Variants in IGFN1 observed in about 807,000 individuals in gnomAD.
IGFN1 encodes immunoglobulin-like and fibronectin type III domain-containing protein 1.
IGFN1 carries 253 observed loss-of-function variants against 289.5 expected under a neutral mutation model. The observed-to-expected ratio is 0.87, with a 90% CI of 0.79 to 0.97. The LOEUF is 0.97. Ranked by LOEUF, IGFN1 falls within the 50% of genes least tolerant of loss-of-function variation. The pLI is 0.00. For missense variants in IGFN1, 4,470 were observed against 4,686.1 expected (o/e 0.95, Z 1.35); for synonymous variants, 1,706 against 1,788.5 (o/e 0.95, Z 1.16).
chr1:201,200,198 G>C, intron 7 of IGFN1, 39 bp from the exon 8 acceptor site: 1 of 1,520,344 alleles, frequency 6.6e-7, no homozygotes, highest in South Asian at 1.2e-5. Flanking sequence ...GAGGAGCAGG[G>C]ATTCCTCTGG....
At position 201,212,606 on chromosome 1, in the gene IGFN1, G is replaced by C; in HGVS notation, c.7713G>C (p.Gly2571=). 1 of 1,546,076 alleles carries C rather than the reference G, an allele frequency of 6.5e-7. No homozygotes were observed. The highest frequency in any genetic ancestry group is 2.4e-5 in the East Asian group (1 of 40,864). The change falls in exon 12 of 24, where the codon GGG becomes GGC. Residue 2571 remains glycine, a synonymous_variant. Transcript: ENST00000335211. ...GGGGTAGAGTTGCTGGCCAGGGGGG[G>C]TTGGCATCTCAGGGAGGTGGGGACT... ...TDRGRVAGQG[G]LASQGGGDSL... is the part of the protein sequence containing the mutation.
chr1:201,200,758 C>T (rs141964280), intron 8 of IGFN1, among the ~76,000 whole-genome samples: 173 of 151,652 alleles, frequency 1.1e-3, no homozygotes, highest in African/African-American at 4.0e-3. Context: ...AAGTACTTAG[C>T]TTAGTGCCTT....
At chr1:201,205,564 T>C (rs931870964) in intron 11 of IGFN1, among the ~76,000 whole-genome samples, 3 of 152,178 alleles carry the variant, frequency 2.0e-5, no homozygotes, top group Non-Finnish European at 2.9e-5. Context: ...TTGGAATTAC[T>C]TTGGGGCACA....
At chr1:201,191,703 C>T (rs574576265) in intron 1 of IGFN1, among the ~76,000 whole-genome samples, 27 of 152,282 alleles carry the variant, frequency 1.8e-4, no homozygotes, top group Admixed American at 1.4e-3. Flanking sequence ...GAAGTGGATG[C>T]TTAACGTCAC....
rs753479097 is a variant in IGFN1 at position 201,215,641 on chromosome 1, TC to T, written c.9102del (p.Ile3035PhefsTer46). On this transcript the variant is annotated frameshift_variant, in exon 15 of 24. Coordinates refer to ENST00000335211, the MANE Select transcript of IGFN1 (RefSeq NM_001164586.2). LOFTEE classifies it high-confidence loss of function. Reference protein sequence around the residue: ...VIVKIPFQSHLPIQAAWRKDG... With the variant: ...VIVKIPFQSHXPIQAAWRKDG... The stretch of plus-strand genomic sequence containing the variant: ...GTGAAGATCCCCTTCCAGAGCCACC[TC>T]CCCATTCAGGCTGCCTGGAGGAAGG... 13 of 1,613,948 alleles carry T rather than the reference TC, an allele frequency of 8.1e-6. No individual in the cohort carries two copies. The East Asian group carries it at 2.9e-4, about 36-fold the overall frequency.
rs80063597 is a variant in IGFN1, at chr1:201,213,875, C to A, written c.8728+254C>A. Among the ~76,000 whole-genome samples, 754 of 152,308 alleles carry A rather than the reference C, an allele frequency of 5.0e-3. 3 individuals carry two copies. The highest frequency in any genetic ancestry group is 0.024 in the Middle Eastern group (7 of 294). The stretch of plus-strand genomic sequence containing the variant: ...TCTTGAAACCTTATGTCCACAGCAC[C>A]AGAGTTGTTGACCCAACTCTCTGTG... On this transcript the variant is annotated intron_variant, in intron 12 of 23. Coordinates refer to ENST00000335211, the MANE Select transcript of IGFN1 (RefSeq NM_001164586.2).
chr1:201,200,123 T>C, intron 7 of IGFN1, 114 bp from the exon 8 acceptor site: 1 of 802,746 alleles, frequency 1.2e-6, no homozygotes, highest in Non-Finnish European at 1.9e-6. Context: ...GGCTCTGCGT[T>C]TCCTCGAGTG....
chr1:201,221,522 A>G lies in IGFN1; in HGVS notation c.9977A>G (p.Asp3326Gly). 1 of 1,614,072 alleles carries G rather than the reference A, an allele frequency of 6.2e-7. No individual in the cohort carries two copies. Among genetic ancestry groups the G allele is most frequent in the Non-Finnish European group, 8.5e-7 (1 of 1,179,982 alleles). The stretch of plus-strand genomic sequence containing the variant: ...ATCACTCTGAGCTGGGCTGGGCCAG[A>G]CACCCAGGAAGGGGATGAAGCCCAG... ...TSITLSWAGP[D>G]TQEGDEAQGY... The change falls in exon 19 of 24, where the codon GAC (aspartate) becomes GGC (glycine). Residue 3326 changes from aspartate to glycine, a missense_variant. This residue lies in a region of IGFN1 where 2,218 missense variants were observed against 2,114.1 expected (regional missense o/e 1.05). Transcript: ENST00000335211.
rs1310221074 is a variant in IGFN1 at position 201,211,913 on chromosome 1, T to C, written c.7020T>C (p.Tyr2340=). The C allele has an allele frequency of 9.2e-6, 14 of 1,527,784 alleles. No individual in the cohort carries two copies. The East Asian group carries it at 2.9e-4, about 32-fold the overall frequency. 94.6% of individuals were successfully genotyped at this position (1,527,784 alleles called of 1,614,324 possible). ...SGMGSGSEVS[Y]RGGSGGSGET... ...TGGGGTCAGGGAGTGAGGTCAGTTATAGAGGAGGCTCAGGAGGATCTGGGG... is the reference window on the plus strand; with the variant it reads ...TGGGGTCAGGGAGTGAGGTCAGTTACAGAGGAGGCTCAGGAGGATCTGGGG... The change falls in exon 12 of 24, where the codon TAT becomes TAC. Residue 2340 remains tyrosine (Y), a synonymous_variant. Coordinates refer to ENST00000335211, the MANE Select transcript of IGFN1 (RefSeq NM_001164586.2).
chr1:201,214,959 A>G, intron 13 of IGFN1, 54 bp from the exon 14 acceptor site: 1 of 1,583,518 alleles, frequency 6.3e-7, no homozygotes, highest in Non-Finnish European at 8.6e-7. Flanking sequence ...AGCTGGCCTG[A>G]AGGAACTGGG....
intron 6 of IGFN1, 60 bp from the exon 7 acceptor site, chr1:201,199,549 C>T: frequency 6.7e-7 from 1 of 1,500,664 alleles, no homozygotes; most frequent in South Asian, 1.2e-5. Context: ...CAGAAAAGCT[C>T]TGCATCAACC....
intron 21 of IGFN1, 33 bp from the exon 22 acceptor site, chr1:201,225,791 C>T (rs1654040642): frequency 1.3e-6 from 2 of 1,580,228 alleles, no homozygotes; most frequent in East Asian, 4.5e-5. Context: ...TGGGTCCCCT[C>T]CACGTGACCT....
rs958253210 is a variant in IGFN1, at chr1:201,211,868, C to T, written c.6975C>T (p.Gly2325=). Residue 2325 remains glycine, a synonymous_variant, in exon 12 of 24, where the codon GGC becomes GGT. Transcript: ENST00000335211. ...GGAATGAGGCAGGTTCTAGGCAAGGCTTTGGGGGAACTAGTGGCATGGGGT... is the reference window on the plus strand; with the variant it reads ...GGAATGAGGCAGGTTCTAGGCAAGGTTTTGGGGGAACTAGTGGCATGGGGT... ...LSWNEAGSRQ[G]FGGTSGMGSG... is the part of the protein sequence containing the mutation. 2.0e-6 allele frequency: 3 copies of T among 1,533,154 alleles called. No homozygotes were observed. Among genetic ancestry groups the T allele is most frequent in the African/African-American group, 2.8e-5 (2 of 72,724 alleles). The allele number at this position is 1,533,154 out of a possible 1,614,324, so 95.0% of individuals were successfully genotyped here.
At chr1:201,195,715 C>A in intron 3 of IGFN1, 124 bp from the exon 4 acceptor site, 1 of 1,076,196 alleles carries the variant, frequency 9.3e-7, no homozygotes. Flanking sequence ...GGCCTGGCAT[C>A]CTTTTTGGAA....
At chr1:201,217,202 G>A (rs532181007) in intron 16 of IGFN1, 85 bp from the exon 17 acceptor site, 1 of 1,226,052 alleles carries the variant, frequency 8.2e-7, no homozygotes, top group South Asian at 1.3e-5. Flanking sequence ...TGTCCCAGAT[G>A]CCTGTGCCCC....
At chr1:201,219,621 C>G (rs1653576095) in intron 18 of IGFN1, among the ~76,000 whole-genome samples, 1 of 152,234 alleles carries the variant, frequency 6.6e-6, no homozygotes, top group Non-Finnish European at 1.5e-5. Flanking sequence ...TTTGCCTACG[C>G]CAAGTCCTCT....
rs1303761032 is a variant in IGFN1, at chr1:201,206,783, ACAGG to A, written c.1891_1894del (p.Gln631MetfsTer21). On this transcript the variant is annotated frameshift_variant, in exon 12 of 24. Coordinates refer to ENST00000335211, the MANE Select transcript of IGFN1 (RefSeq NM_001164586.2). LOFTEE classifies it high-confidence loss of function. ...CAAGAGGAAAGCAGATAGAGATTTC[ACAGG>A]ATGACAGCCTGGCTGAGATGGACAG... is the stretch of plus-strand genomic sequence containing the variant. 6.5e-7 allele frequency: 1 copy of A among 1,536,910 alleles called. No individual in the cohort carries two copies. The highest frequency in any genetic ancestry group is 8.7e-7 in the Non-Finnish European group (1 of 1,146,910).
intron 12 of IGFN1, 123 bp from the exon 13 acceptor site, chr1:201,214,054 T>C (rs1280651940): frequency 1.3e-5 from 13 of 1,012,890 alleles, no homozygotes; most frequent in Non-Finnish European, 1.7e-5. Flanking sequence ...GCATAGGTGC[T>C]GGGAACCAGC....
rs150642308 is a variant in IGFN1, at chr1:201,226,938, C to T, written c.10843C>T (p.Arg3615Trp). 770 of 1,611,226 alleles carry T rather than the reference C, an allele frequency of 4.8e-4. No individual in the cohort carries two copies. Among genetic ancestry groups the T allele is most frequent in the Admixed American group, 2.0e-3 (117 of 59,882 alleles). ...GGAGCCCGACCTGAGCCAGAAGCCC[C>T]GGTTCCTGGTGGGCCTGCGGTCCCA... is the stretch of plus-strand genomic sequence containing the variant. ...YREPDLSQKP[R>W]FLVGLRSHLL... Residue 3615 changes from arginine to tryptophan, a missense_variant, in exon 23 of 24, where the codon CGG (arginine) becomes TGG (tryptophan). This residue lies in a region of IGFN1 where 2,218 missense variants were observed against 2,114.1 expected (regional missense o/e 1.05). Coordinates refer to ENST00000335211, the MANE Select transcript of IGFN1 (RefSeq NM_001164586.2).
Sources: allele counts gnomAD v4.1 joint callset (sites outside exome capture counted in the v4.1 genomes callset), GRCh38; gene constraint gnomAD v4.1.1; regional missense constraint gnomAD v4.1.1; transcripts MANE v1.5; gene names NCBI Gene and HGNC (gene_info 2026-07-23, HGNC 2026-07-21).